E2F2: variants seen among roughly 807,000 people sequenced by gnomAD.
E2F2 encodes E2F transcription factor 2, also known as transcription factor E2F2.
Under a neutral mutation model 42.2 loss-of-function variants are expected in E2F2, and 22 were observed. The observed-to-expected ratio is 0.52, with a 90% CI of 0.37 to 0.74. The LOEUF (loss-of-function observed/expected upper bound fraction) is 0.74. Ranked by LOEUF, E2F2 falls within the 30% of genes least tolerant of loss-of-function variation. The probability of loss-of-function intolerance (pLI) is 0.00; values close to 1 mark genes in which losing one functional copy is unlikely to be tolerated. For synonymous variants in E2F2, 248 were observed against 251.6 expected, an observed-to-expected ratio of 0.99 and a Z score of 0.13; for missense variants, 481 against 557.8, an observed-to-expected ratio of 0.86 and a Z score of 1.39.
chr1:23,518,663 G>A (rs1303400900), intron 5 of E2F2, among the ~76,000 whole-genome samples: 2 of 152,036 alleles, frequency 1.3e-5, no homozygotes, highest in Non-Finnish European at 2.9e-5. Context: ...GGGAGTGTCA[G>A]GAATTTTGGT....
chr1:23,531,067 G>T lies in E2F2; in HGVS notation c.-274C>A. The T allele has an allele frequency of 2.8e-6, 1 of 361,350 alleles. No homozygotes were observed. Among genetic ancestry groups the T allele is most frequent in the Non-Finnish European group, 4.9e-6 (1 of 203,000 alleles). The allele number at this position is 361,350 out of a possible 1,614,324, so 22.4% of individuals were successfully genotyped here. ...TCCCGAGGGCACCGCGACCCGGGAC[G>T]CCCCGCGCTCCCCAAGGCCTCGGCA... On this transcript the variant is annotated 5_prime_UTR_variant, in exon 1 of 7. Coordinates refer to ENST00000361729, the MANE Select transcript of E2F2 (RefSeq NM_004091.4).
chr1:23,513,562 A>ATGTGTGTGTGTGTGTGTGTGTGTGTG (rs71023281), intron 6 of E2F2, among the ~76,000 whole-genome samples: 2 of 135,186 alleles, frequency 1.5e-5, no homozygotes, highest in Non-Finnish European at 1.6e-5. Context: ...AGCACGGAAC[A>ATGTGTGTGTGTGTGTGTGTGTGTGTG]TGTGTGTGTG....
chr1:23,525,368 G>A (rs1186763903), intron 1 of E2F2, among the ~76,000 whole-genome samples: 4 of 152,202 alleles, frequency 2.6e-5, no homozygotes, highest in Non-Finnish European at 5.9e-5. Context: ...GCAGGGGCAG[G>A]GCAGGGGCAG....
chr1:23,525,793 A>G (rs1198804630), intron 1 of E2F2, among the ~76,000 whole-genome samples: 1 of 152,106 alleles, frequency 6.6e-6, no homozygotes, highest in African/African-American at 2.4e-5. Flanking sequence ...CTCTTCCTTC[A>G]TACATCCTTC....
At chr1:23,521,464 CG>C (rs1275916852) in intron 3 of E2F2, 1 of 819,466 alleles carries the variant, frequency 1.2e-6, no homozygotes, top group Non-Finnish European at 1.5e-6. Flanking sequence ...GGAAGGAGTC[CG>C]GGATCCCCCT....
At position 23,521,966 on chromosome 1, in the gene E2F2, T is replaced by C. The variant is rs922487690; in HGVS notation, c.449A>G (p.Asp150Gly). Reference protein sequence around the residue: ...KFIYLLSESEDGVLDLNWAAE... With the variant: ...KFIYLLSESEGGVLDLNWAAE... ...GGCCCAGTTCAGGTCCAGGACCCCA[T>C]CCTCTGACTCGCTCAGGAGGTAAAT... Residue 150 changes from aspartate (D) to glycine (G), a missense_variant, in exon 3 of 7, where the codon GAT (aspartate) becomes GGT (glycine). Coordinates refer to ENST00000361729, the MANE Select transcript of E2F2 (RefSeq NM_004091.4). The C allele has an allele frequency of 2.5e-6, 4 of 1,614,016 alleles. No homozygotes were observed. In the African/African-American group the frequency reaches 5.3e-5, roughly 22 times the overall value.
In E2F2 at chr1:23,521,044, G is replaced by C. The variant is rs760133257; in HGVS notation, c.606C>G (p.Thr202=). The change falls in exon 4 of 7, where the codon ACC becomes ACG. Residue 202 remains threonine, a synonymous_variant. Transcript: ENST00000361729. ...CCAGCTGTTGCTGCTTCCCAGGTCTGGTGGGGTCTTCAAACATTCCCCTGC... is the reference window on the plus strand; with the variant it reads ...CCAGCTGTTGCTGCTTCCCAGGTCTCGTGGGGTCTTCAAACATTCCCCTGC... ...WVGRGMFEDP[T]RPGKQQQLGQ... 5 of 1,613,174 alleles carry C rather than the reference G, an allele frequency of 3.1e-6. No homozygotes were observed. The highest frequency in any genetic ancestry group is 4.2e-6 in the Non-Finnish European group (5 of 1,179,570).
At chr1:23,510,638 A>G (rs980531145) in intron 6 of E2F2, among the ~76,000 whole-genome samples, 3 of 152,190 alleles carry the variant, frequency 2.0e-5, no homozygotes, top group Admixed American at 6.5e-5. Context: ...ATTCTGACAC[A>G]TGCTACAACA....
intron 5 of E2F2, among the ~76,000 whole-genome samples, chr1:23,516,883 C>T (rs1009693219): frequency 6.7e-6 from 1 of 150,226 alleles, no homozygotes; most frequent in Non-Finnish European, 1.5e-5. Context: ...ATGATTGGTT[C>T]AGGATGGCCC....
At chr1:23,516,548 AG>A in intron 5 of E2F2, 21 bp from the exon 6 acceptor site, 1 of 1,585,532 alleles carries the variant, frequency 6.3e-7, no homozygotes, top group South Asian at 1.1e-5. Flanking sequence ...AAGAGAAGCC[AG>A]GTCATTGCTC....
intron 6 of E2F2, among the ~76,000 whole-genome samples, chr1:23,513,841 C>T (rs1012662180): frequency 2.6e-5 from 4 of 151,846 alleles, no homozygotes; most frequent in Admixed American, 1.3e-4. Context: ...ACTTCACACC[C>T]GGCTGGGCTC....
At position 23,521,003 on chromosome 1, in the gene E2F2, T is replaced by C. The variant is rs376610526; in HGVS notation, c.647A>G (p.Glu216Gly). Residue 216 changes from glutamate (E) to glycine (G), a missense_variant, in exon 4 of 7, where the codon GAG becomes GGG. By Grantham distance (98) the Glu-to-Gly change is moderately conservative (BLOSUM62 -2). Coordinates refer to ENST00000361729, the MANE Select transcript of E2F2 (RefSeq NM_004091.4). Reference sequence around the variant, plus strand: ...CAAGGCCTGCTCCGTGTTCATCAGCTCCTTCAGCTCCTGCCCCAGCTGTTG... The same window carrying C: ...CAAGGCCTGCTCCGTGTTCATCAGCCCCTTCAGCTCCTGCCCCAGCTGTTG... ...KQQQLGQELK[E>G]LMNTEQALDQ... is the part of the protein sequence containing the mutation. The C allele has an allele frequency of 1.2e-6, 2 of 1,613,388 alleles. No individual in the cohort carries two copies. Among genetic ancestry groups the C allele is most frequent in the African/African-American group, 2.7e-5 (2 of 74,902 alleles).
chr1:23,521,928 C>G lies in E2F2; in HGVS notation c.487G>C (p.Asp163His), dbSNP rs747569073. The G allele has an allele frequency of 1.2e-6, 2 of 1,614,088 alleles. No individual in the cohort carries two copies. The highest frequency in any genetic ancestry group is 1.7e-6 in the Non-Finnish European group (2 of 1,180,044). ...TCATAGATGCGCCGCTTCTGCACGT[C>G]CAGCACCTCAGCGGCCCAGTTCAGG... ...LDLNWAAEVL[D>H]VQKRRIYDIT... The change falls in exon 3 of 7, where the codon GAC (aspartate) becomes CAC (histidine). Residue 163 changes from aspartate (D) to histidine (H), a missense_variant. By Grantham distance (81) the Asp-to-His change is moderately conservative (BLOSUM62 -1). Transcript: ENST00000361729.
Position 23,530,014 on chromosome 1 carries a change from G to T in E2F2, c.252+528C>A, listed in dbSNP as rs892413199. On this transcript the variant is annotated intron_variant, in intron 1 of 6. Coordinates refer to ENST00000361729, the MANE Select transcript of E2F2 (RefSeq NM_004091.4). This position sits in a 1 kb window ranked among gnomAD's most constrained non-coding sequence, Gnocchi z 4.4. ...CTGTCTGGGAGGGAAGACTGGGCCTGGGGGAGGACCTAGGGCAGATACTTG... is the reference window on the plus strand; with the variant it reads ...CTGTCTGGGAGGGAAGACTGGGCCTTGGGGAGGACCTAGGGCAGATACTTG... 2.6e-5 allele frequency among the ~76,000 whole-genome samples: 4 copies of T among 152,170 alleles called. No homozygotes were observed. Among genetic ancestry groups the T allele is most frequent in the African/African-American group, 9.7e-5 (4 of 41,430 alleles).
downstream of E2F2, among the ~76,000 whole-genome samples, chr1:23,505,756 G>T (rs115496564): frequency 2.0e-3 from 308 of 152,110 alleles, no homozygotes; most frequent in African/African-American, 7.1e-3. Context: ...CTTGCGATCC[G>T]CCCGCCTTGG....
intron 1 of E2F2, among the ~76,000 whole-genome samples, chr1:23,528,911 G>T (rs1643292904): frequency 1.3e-5 from 2 of 152,282 alleles, no homozygotes; most frequent in South Asian, 4.1e-4. Context: ...ATAGAGAAGA[G>T]CCTGCTGCCT....
Position 23,530,941 on chromosome 1 carries a change from C to A in E2F2, c.-148G>T. 1 of 1,041,052 alleles carries A rather than the reference C, an allele frequency of 9.6e-7. No individual in the cohort carries two copies. The highest frequency in any genetic ancestry group is 1.3e-6 in the Non-Finnish European group (1 of 763,896). 64.5% of individuals were successfully genotyped at this position (1,041,052 alleles called of 1,614,324 possible). A position where few individuals can be genotyped will look rare whatever the true frequency, so the allele number is the denominator to read the frequency against. ...GACGCCTGCGGGGCAAGGCCGGACC[C>A]TCCCCTCCTGGCCCGCGGCCGAGCA... On this transcript the variant is annotated 5_prime_UTR_variant, in exon 1 of 7. In the 5' UTR this introduces an upstream ATG that the reference lacks. Coordinates refer to ENST00000361729, the MANE Select transcript of E2F2 (RefSeq NM_004091.4). The surrounding 1 kb of genome is among the most constrained non-coding windows in gnomAD (Gnocchi z 4.4).
rs138245489 is a variant in E2F2 at position 23,507,786 on chromosome 1, C to G, written c.*2094G>C. 6.6e-6 allele frequency: 1 copy of G among 152,274 alleles called. No homozygotes were observed. The highest frequency in any genetic ancestry group is 2.4e-5 in the African/African-American group (1 of 41,452). 9.4% of individuals were successfully genotyped at this position (152,274 alleles called of 1,614,324 possible). A position where few individuals can be genotyped will look rare whatever the true frequency, so the allele number is the denominator to read the frequency against. On this transcript the variant is annotated 3_prime_UTR_variant, in exon 7 of 7. Transcript: ENST00000361729. The stretch of plus-strand genomic sequence containing the variant: ...CCCCTGACCAGCCATATGGAGAGGC[C>G]TCTAGGGCATGAGCTTACATTCCAG...
At chr1:23,518,247 C>CATGA (rs1643065092) in intron 5 of E2F2, among the ~76,000 whole-genome samples, 1 of 152,020 alleles carries the variant, frequency 6.6e-6, no homozygotes, top group East Asian at 1.9e-4. Flanking sequence ...GCAGGTGGAT[C>CATGA]ATGAGGTCAG....
Sources: allele counts gnomAD v4.1 joint callset (sites outside exome capture counted in the v4.1 genomes callset), GRCh38; gene constraint gnomAD v4.1.1; non-coding constraint Gnocchi (gnomAD v3.1); transcripts MANE v1.5; gene names NCBI Gene and HGNC (gene_info 2026-07-23, HGNC 2026-07-21).